The following HSD17B12 variants were observed in gnomAD, a reference collection of about 807,000 sequenced individuals.
HSD17B12 encodes hydroxysteroid 17-beta dehydrogenase 12.
In HSD17B12, 32 loss-of-function variants were observed where a neutral mutation model predicts 39.3. That is an observed-to-expected ratio of 0.81 (90% CI 0.61 to 1.09). The LOEUF is 1.09. Ranked by LOEUF, HSD17B12 falls within the 50% of genes least tolerant of loss-of-function variation. The pLI, the probability that HSD17B12 is intolerant of heterozygous loss-of-function variation, is 0.00. For synonymous variants in HSD17B12, 150 were observed against 146.7 expected (o/e 1.02, Z -0.16); for missense variants, 342 against 382.9 (o/e 0.89, Z 0.89).
At chr11:43,807,899 G>A (rs1438373944) in intron 4 of HSD17B12, among the ~76,000 whole-genome samples, 1 of 152,178 alleles carries the variant, frequency 6.6e-6, no homozygotes, top group Non-Finnish European at 1.5e-5. Flanking sequence ...CAGCCACCAT[G>A]CTAATGAATT....
the HSD17B12 span, among the ~76,000 whole-genome samples, chr11:43,640,204 G>C: frequency 6.6e-6 from 1 of 152,068 alleles, no homozygotes; most frequent in Non-Finnish European, 1.5e-5. Context: ...CTGTGGGGAG[G>C]GGGGAAAGCA....
chr11:43,562,764 G>A, the HSD17B12 span, among the ~76,000 whole-genome samples: 1 of 152,158 alleles, frequency 6.6e-6, no homozygotes, highest in Admixed American at 6.5e-5. Context: ...TTTACTGAAA[G>A]CCATTGGCCC....
At chr11:43,761,384 T>C (rs1382695473) in intron 3 of HSD17B12, among the ~76,000 whole-genome samples, 2 of 152,230 alleles carry the variant, frequency 1.3e-5, no homozygotes, top group Non-Finnish European at 2.9e-5. Context: ...CCAATCAATA[T>C]GTGTTGTATT....
intron 1 of HSD17B12, among the ~76,000 whole-genome samples, chr11:43,742,241 G>T (rs1279324929): frequency 1.3e-5 from 2 of 149,202 alleles, no homozygotes; most frequent in Non-Finnish European, 3.0e-5. Flanking sequence ...GAGCTCAGAG[G>T]ATCCTCCTGC....
At chr11:43,614,858 CCTATTATGT>C in the HSD17B12 span, among the ~76,000 whole-genome samples, 3 of 151,946 alleles carry the variant, frequency 2.0e-5, no homozygotes, top group Non-Finnish European at 4.4e-5. Context: ...CATTTCTTCA[CCTATTATGT>C]CTAGTTTTTT....
the HSD17B12 span, among the ~76,000 whole-genome samples, chr11:43,580,164 G>T: frequency 2.0e-5 from 3 of 151,858 alleles, no homozygotes; most frequent in African/African-American, 7.3e-5. Context: ...TGGAGGAGGG[G>T]GCCGAGCGGG....
At chr11:43,760,784 C>T (rs964172592) in intron 3 of HSD17B12, among the ~76,000 whole-genome samples, 1 of 152,128 alleles carries the variant, frequency 6.6e-6, no homozygotes, top group Non-Finnish European at 1.5e-5. Flanking sequence ...TAGACCTTTT[C>T]GTTTTATGTC....
intron 1 of HSD17B12, among the ~76,000 whole-genome samples, chr11:43,683,652 G>A (rs1300876946): frequency 6.6e-6 from 1 of 152,188 alleles, no homozygotes; most frequent in Non-Finnish European, 1.5e-5. Context: ...AATAGTACTA[G>A]TAAGTTTTTT....
chr11:43,614,638 C>A, the HSD17B12 span, among the ~76,000 whole-genome samples: 4 of 152,110 alleles, frequency 2.6e-5, no homozygotes, highest in African/African-American at 9.7e-5. Flanking sequence ...GACACAATTT[C>A]TCTTTCTCTC....
At chr11:43,682,490 C>G (rs12290006) in intron 1 of HSD17B12, among the ~76,000 whole-genome samples, 72,746 of 147,516 alleles carry the variant, frequency 0.49, 18,139 homozygotes, top group Non-Finnish European at 0.53. Flanking sequence ...TGCAGTGAGC[C>G]GAGATCATGC....
At chr11:43,741,226 T>C (rs922754295) in intron 1 of HSD17B12, among the ~76,000 whole-genome samples, 1 of 152,220 alleles carries the variant, frequency 6.6e-6, no homozygotes, top group Non-Finnish European at 1.5e-5. Flanking sequence ...ACACTAATAG[T>C]CTATGTTAAT....
chr11:43,651,410 A>G, the HSD17B12 span, among the ~76,000 whole-genome samples: 4 of 152,204 alleles, frequency 2.6e-5, no homozygotes, highest in Non-Finnish European at 5.9e-5. Flanking sequence ...ACTTGGAACA[A>G]ATTTTTAAAT....
chr11:43,618,422 C>T, the HSD17B12 span, among the ~76,000 whole-genome samples: 10 of 152,222 alleles, frequency 6.6e-5, no homozygotes, highest in African/African-American at 2.2e-4. Context: ...CAACTTACGC[C>T]TTCTATAAAA....
intron 1 of HSD17B12, among the ~76,000 whole-genome samples, chr11:43,681,519 C>T (rs938118549): frequency 5.3e-5 from 8 of 151,984 alleles, no homozygotes; most frequent in African/African-American, 1.9e-4. Flanking sequence ...TCCCCAGTTA[C>T]GATTAAGATA....
At chr11:43,713,228 C>T (rs1208446147) in intron 1 of HSD17B12, among the ~76,000 whole-genome samples, 2 of 152,124 alleles carry the variant, frequency 1.3e-5, no homozygotes, top group Non-Finnish European at 2.9e-5. Context: ...GTGCTACACC[C>T]ATGAACTCGT....
At chr11:43,814,806 C>T (rs1001587723) in intron 4 of HSD17B12, among the ~76,000 whole-genome samples, 1 of 152,148 alleles carries the variant, frequency 6.6e-6, no homozygotes, top group Non-Finnish European at 1.5e-5. Context: ...TCTGTTCTGT[C>T]ATGAAATAAT....
At chr11:43,801,157 G>T (rs963708582) in intron 4 of HSD17B12, among the ~76,000 whole-genome samples, 2 of 151,754 alleles carry the variant, frequency 1.3e-5, no homozygotes, top group African/African-American at 4.8e-5. Flanking sequence ...AAAAAAAAGA[G>T]CTATACTGCA....
At chr11:43,771,063 G>A (rs1950644431) in intron 3 of HSD17B12, among the ~76,000 whole-genome samples, 1 of 152,192 alleles carries the variant, frequency 6.6e-6, no homozygotes, top group Non-Finnish European at 1.5e-5. Flanking sequence ...GAGAGGGAGA[G>A]AATCACACGC....
rs55674379 is a variant in HSD17B12 at position 43,801,595 on chromosome 11, G to GATATATAT, written c.391+3197_391+3204dup. Among the ~76,000 whole-genome samples the GATATATAT allele has an allele frequency of 9.0e-3, 648 of 72,124 alleles. 4 individuals are homozygous for GATATATAT. The highest frequency in any genetic ancestry group is 0.021 in the South Asian group (42 of 1,998). 47.3% of individuals were successfully genotyped at this position (72,124 alleles called of 152,430 possible). ...TTGACTTGTTTAGTTGATAGTTGGA[G>GATATATAT]ATATATATATATATATATATATATA... On this transcript the variant is annotated intron_variant, in intron 4 of 10. Transcript: ENST00000278353.
Sources: gnomAD v4.1 joint callset for allele counts (sites outside exome capture counted in the v4.1 genomes callset) on GRCh38, gnomAD v4.1.1 for gene constraint, MANE v1.5 for transcripts, NCBI Gene and HGNC (gene_info 2026-07-23, HGNC 2026-07-21) for gene names.